Variants in RBM6 observed in about 807,000 individuals in gnomAD.
RBM6 encodes the protein RNA binding motif protein 6, also known as RNA-binding protein 6.
Under a neutral mutation model 140.4 loss-of-function variants are expected in RBM6, and 23 were observed. The ratio of observed to expected loss-of-function variants is 0.16; its 90% CI spans 0.12 to 0.23. RBM6 has a LOEUF of 0.23. Ranked by LOEUF, RBM6 falls within the 10% of genes least tolerant of loss-of-function variation. The probability of loss-of-function intolerance (pLI) is 1.00; values close to 1 mark genes in which losing one functional copy is unlikely to be tolerated. For synonymous variants in RBM6, 439 were observed against 475.6 expected, an observed-to-expected ratio of 0.92 and a Z score of 1.00; for missense variants, 1,139 against 1,386.7, an observed-to-expected ratio of 0.82 and a Z score of 2.84.
At chr3:49,992,160 C>T (rs2085858375) in intron 5 of RBM6, among the ~76,000 whole-genome samples, 1 of 151,964 alleles carries the variant, frequency 6.6e-6, no homozygotes, top group Non-Finnish European at 1.5e-5. Context: ...TGTGTTTGCC[C>T]AGGCTGGTCT....
At chr3:49,959,014 C>CG (rs1030745496) in intron 1 of RBM6, among the ~76,000 whole-genome samples, 3 of 151,700 alleles carry the variant, frequency 2.0e-5, no homozygotes, top group Admixed American at 2.0e-4. Flanking sequence ...AGGCTGGTGT[C>CG]GAACTCCTGA....
chr3:50,040,522 G>GTA (rs776376506), intron 6 of RBM6, among the ~76,000 whole-genome samples: 3 of 137,380 alleles, frequency 2.2e-5, no homozygotes, highest in East Asian at 2.0e-4. Flanking sequence ...ACACACGTGT[G>GTA]TATATATATA....
intron 15 of RBM6, 101 bp from the exon 16 acceptor site, chr3:50,064,930 C>T: frequency 2.2e-6 from 2 of 923,466 alleles, no homozygotes; most frequent in Non-Finnish European, 3.3e-6. Context: ...CCTTGACCTC[C>T]CAGAGTGCTG....
At chr3:50,039,693 T>A (rs914089802) in intron 6 of RBM6, among the ~76,000 whole-genome samples, 27 of 152,218 alleles carry the variant, frequency 1.8e-4, no homozygotes, top group African/African-American at 6.3e-4. Flanking sequence ...GTTTTTCAGT[T>A]GTTCTGAGTG....
intron 5 of RBM6, among the ~76,000 whole-genome samples, chr3:49,995,394 G>A (rs1265162597): frequency 6.6e-6 from 1 of 151,896 alleles, no homozygotes; most frequent in Non-Finnish European, 1.5e-5. Flanking sequence ...CGTCTCTACT[G>A]AAAATACAAA....
At chr3:50,022,286 T>A (rs1302976164) in intron 6 of RBM6, among the ~76,000 whole-genome samples, 1 of 152,076 alleles carries the variant, frequency 6.6e-6, no homozygotes, top group Non-Finnish European at 1.5e-5. Context: ...ATAATTTTTT[T>A]AATGTTGCTA....
chr3:50,024,366 A>G (rs185956133), intron 6 of RBM6, among the ~76,000 whole-genome samples: 1 of 152,250 alleles, frequency 6.6e-6, no homozygotes, highest in East Asian at 1.9e-4. Context: ...CCACCACCTG[A>G]ATGAAAAAAA....
chr3:49,990,660 C>CT (rs1559558846), intron 5 of RBM6, among the ~76,000 whole-genome samples: 1 of 152,050 alleles, frequency 6.6e-6, no homozygotes, highest in African/African-American at 2.4e-5. Context: ...TCAAATGAAT[C>CT]TTTTTTTGTG....
At chr3:50,065,442 GTT>G in intron 16 of RBM6, 2 of 440,040 alleles carry the variant, frequency 4.5e-6, no homozygotes, top group South Asian at 3.6e-5. Context: ...AAGGAAACCC[GTT>G]TTCTCAGCCT....
chr3:50,044,328 G>C (rs2089108094), intron 6 of RBM6, among the ~76,000 whole-genome samples: 1 of 152,074 alleles, frequency 6.6e-6, no homozygotes, highest in Non-Finnish European at 1.5e-5. Context: ...AGGCAATTAA[G>C]AATGGACATC....
rs142500164 is a variant in RBM6, at chr3:50,039,494, C to A, written c.1558-8751C>A. Among the ~76,000 whole-genome samples, 9 of 132,078 alleles carry A rather than the reference C, an allele frequency of 6.8e-5. 1 individual carries two copies. The highest frequency in any genetic ancestry group is 1.1e-4 in the Non-Finnish European group (7 of 61,072). The allele number at this position is 132,078 out of a possible 152,430, so 86.6% of individuals were successfully genotyped here. ...CCTCAGGTGATCCACCCCCCCCCCC[C>A]CCACCCTTGGTCTCCCAAAGTGCTG... On this transcript the variant is annotated intron_variant, in intron 6 of 20. Transcript: ENST00000266022.
intron 1 of RBM6, among the ~76,000 whole-genome samples, chr3:49,948,827 A>ATT (rs767843268): frequency 2.9e-4 from 29 of 98,888 alleles, no homozygotes; most frequent in Non-Finnish European, 4.0e-4. Flanking sequence ...TACATACCCA[A>ATT]TTTTTTTTTT....
At chr3:50,009,399 T>C (rs2086735855) in intron 6 of RBM6, among the ~76,000 whole-genome samples, 2 of 152,200 alleles carry the variant, frequency 1.3e-5, no homozygotes, top group South Asian at 4.1e-4. Context: ...AGGTATCTTC[T>C]TCATTCAAGT....
At chr3:49,958,814 TCTCA>T (rs1272953119) in intron 1 of RBM6, among the ~76,000 whole-genome samples, 9 of 131,286 alleles carry the variant, frequency 6.9e-5, no homozygotes, top group African/African-American at 2.3e-4. Flanking sequence ...AAAAATGGAG[TCTCA>T]CTCTGTTGCC....
At chr3:50,059,827 C>A (rs1336607700) in intron 11 of RBM6, 81 bp downstream of exon 11, 2 of 1,108,668 alleles carry the variant, frequency 1.8e-6, no homozygotes, top group Non-Finnish European at 2.6e-6. Flanking sequence ...GCTGGAAAAA[C>A]AGTAAAGCAT....
intron 5 of RBM6, among the ~76,000 whole-genome samples, chr3:49,986,842 T>C (rs1398556528): frequency 1.4e-5 from 2 of 144,866 alleles, no homozygotes; most frequent in Non-Finnish European, 3.0e-5. Flanking sequence ...ATGGAGTGCA[T>C]TGGCATGCTC....
At chr3:50,001,948 T>C (rs1468232701) in intron 6 of RBM6, among the ~76,000 whole-genome samples, 2 of 152,188 alleles carry the variant, frequency 1.3e-5, no homozygotes, top group African/African-American at 4.8e-5. Flanking sequence ...AGGAGTGACA[T>C]ACATTTAAGT....
chr3:50,025,587 A>ATTTTTTTT (rs761261742), intron 6 of RBM6, among the ~76,000 whole-genome samples: 15 of 124,446 alleles, frequency 1.2e-4, no homozygotes, highest in Non-Finnish European at 1.9e-4. Flanking sequence ...TACAACTTTA[A>ATTTTTTTT]TTTTTTTTTT....
chr3:49,953,150 T>TGCTCAAGTGATCCTCCCA (rs1288806552), intron 1 of RBM6, among the ~76,000 whole-genome samples: 1 of 151,824 alleles, frequency 6.6e-6, no homozygotes, highest in Non-Finnish European at 1.5e-5. Context: ...GAAACTCCCA[T>TGCTCAAGTGATCCTCCCA]GCTCAAGTGA....
Sources: gnomAD v4.1 joint callset for allele counts (sites outside exome capture counted in the v4.1 genomes callset) on GRCh38, gnomAD v4.1.1 for gene constraint, MANE v1.5 for transcripts, NCBI Gene and HGNC (gene_info 2026-07-23, HGNC 2026-07-21) for gene names.